The following TWIST2 variants were observed in gnomAD, a reference collection of about 807,000 sequenced individuals.
The protein encoded by TWIST2 is twist family bHLH transcription factor 2.
Under a neutral mutation model 11.6 loss-of-function variants are expected in TWIST2, and 1 was observed. The ratio of observed to expected loss-of-function variants is 0.09; its 90% CI spans 0.03 to 0.41. The LOEUF (loss-of-function observed/expected upper bound fraction) is 0.41, where lower values mean the gene tolerates loss of function less well. TWIST2 is among the 10% of genes least tolerant of loss of function. The pLI is 0.98. For synonymous variants in TWIST2, 87 were observed against 96.6 expected (o/e 0.90, Z 0.58); for missense variants, 168 against 226.4 (o/e 0.74, Z 1.66).
At chr2:238,861,944 C>A (rs530541821) in intron 1 of TWIST2, among the ~76,000 whole-genome samples, 1 of 152,306 alleles carries the variant, frequency 6.6e-6, no homozygotes. Context: ...TCCTTGGGAT[C>A]GAGCATCCGC....
chr2:238,872,604 A>G (rs927889778), intron 1 of TWIST2, among the ~76,000 whole-genome samples: 2 of 152,220 alleles, frequency 1.3e-5, no homozygotes, highest in African/African-American at 2.4e-5. Flanking sequence ...TGAGTCTTCA[A>G]GGTCATTCTG....
In TWIST2 at chr2:238,848,173, G is replaced by A. The variant is rs1417075885; in HGVS notation, c.-43G>A. 2 of 1,206,150 alleles carry A rather than the reference G, an allele frequency of 1.7e-6. No homozygotes were observed. Among genetic ancestry groups the A allele is most frequent in the Non-Finnish European group, 2.1e-6 (2 of 972,236 alleles). The allele number at this position is 1,206,150 out of a possible 1,614,324, so 74.7% of individuals were successfully genotyped here. On this transcript the variant is annotated 5_prime_UTR_variant, in exon 1 of 2. Coordinates refer to ENST00000612363, the MANE Select transcript of TWIST2 (RefSeq NM_001271893.4). ...CGGGCTTGGCCAGCGGCGCGCGCTCGGCGCCCCGGCGCCCCCAGCCCCACG... is the reference window on the plus strand; with the variant it reads ...CGGGCTTGGCCAGCGGCGCGCGCTCAGCGCCCCGGCGCCCCCAGCCCCACG...
chr2:238,905,106 G>A (rs1291190076), intron 1 of TWIST2, among the ~76,000 whole-genome samples: 3 of 152,096 alleles, frequency 2.0e-5, no homozygotes, highest in Non-Finnish European at 4.4e-5. Context: ...AGAGTAAAAC[G>A]CCTTTCCCTT....
intron 1 of TWIST2, among the ~76,000 whole-genome samples, chr2:238,868,194 C>T (rs920861194): frequency 1.3e-4 from 20 of 152,146 alleles, no homozygotes; most frequent in African/African-American, 2.9e-4. Flanking sequence ...GCTTTCTGCA[C>T]GTGGCTCCCA....
In TWIST2 at chr2:238,864,719, C is replaced by T. The variant is rs1692501766; in HGVS notation, c.*35+15986C>T. ...TCTGTGGGGACACTGCCCTGGGGTCCACCCTGCCGCGGGGTCCACTTGGTA... is the reference window on the plus strand; with the variant it reads ...TCTGTGGGGACACTGCCCTGGGGTCTACCCTGCCGCGGGGTCCACTTGGTA... On this transcript the variant is annotated intron_variant, in intron 1 of 1. Transcript: ENST00000612363. This position sits in a 1 kb window ranked among gnomAD's most constrained non-coding sequence, Gnocchi z 4.7. 6.6e-6 allele frequency among the ~76,000 whole-genome samples: 1 copy of T among 152,152 alleles called. No homozygotes were observed. Among genetic ancestry groups the T allele is most frequent in the Admixed American group, 6.5e-5 (1 of 15,282 alleles).
At chr2:238,892,768 G>A (rs1436925153) in intron 1 of TWIST2, among the ~76,000 whole-genome samples, 3 of 152,084 alleles carry the variant, frequency 2.0e-5, no homozygotes. Context: ...GGTGTGAGCC[G>A]CCGCAACCGG....
At chr2:238,865,497 C>T (rs1201436094) in intron 1 of TWIST2, among the ~76,000 whole-genome samples, 1 of 152,176 alleles carries the variant, frequency 6.6e-6, no homozygotes, top group African/African-American at 2.4e-5. Flanking sequence ...TGTCAGGATT[C>T]CCTGCGGGAG....
intron 1 of TWIST2, among the ~76,000 whole-genome samples, chr2:238,908,796 GA>G (rs1693400331): frequency 6.6e-6 from 1 of 150,892 alleles, no homozygotes; most frequent in African/African-American, 2.4e-5. Context: ...TGGACAGTGG[GA>G]TGCGTGTGTA....
intron 1 of TWIST2, among the ~76,000 whole-genome samples, chr2:238,856,417 C>T (rs895768613): frequency 1.3e-5 from 2 of 152,200 alleles, no homozygotes; most frequent in Non-Finnish European, 2.9e-5. Flanking sequence ...TGTTTTACTA[C>T]AGTTCACAAG....
chr2:238,907,817 C>T (rs1470956134), intron 1 of TWIST2, among the ~76,000 whole-genome samples: 1 of 135,582 alleles, frequency 7.4e-6, no homozygotes, highest in African/African-American at 2.8e-5. Context: ...ACGCGCCACA[C>T]AAATATACCA....
In TWIST2 at chr2:238,881,355, ATTAGTG is replaced by A. The variant is rs1007677639; in HGVS notation, c.*36-28475_*36-28470del. Reference sequence around the variant, plus strand: ...TATTAGCATTAGTGTCAGTGTTAGTATTAGTGTTAGTGTTAGTATTTATTAGTATTA... The same window carrying A: ...TATTAGCATTAGTGTCAGTGTTAGTATTAGTGTTAGTATTTATTAGTATTA... On this transcript the variant is annotated intron_variant, in intron 1 of 1. Transcript: ENST00000612363. Among the ~76,000 whole-genome samples, 239 of 150,008 alleles carry A rather than the reference ATTAGTG, an allele frequency of 1.6e-3. 2 individuals carry two copies. In the East Asian group the frequency reaches 0.032, roughly 20 times the overall value.
At chr2:238,884,458 T>G (rs1692995093) in intron 1 of TWIST2, among the ~76,000 whole-genome samples, 1 of 152,214 alleles carries the variant, frequency 6.6e-6, no homozygotes, top group Admixed American at 6.5e-5. Flanking sequence ...GTAGGGCTTC[T>G]TCCCCTCCCC....
chr2:238,853,280 C>A (rs868346394), intron 1 of TWIST2, among the ~76,000 whole-genome samples: 1 of 151,648 alleles, frequency 6.6e-6, no homozygotes, highest in Non-Finnish European at 1.5e-5. Flanking sequence ...AATTCTAAAG[C>A]CAATGATTTA....
At chr2:238,848,788 G>T in intron 1 of TWIST2, 55 bp downstream of exon 1, 9 of 1,291,540 alleles carry the variant, frequency 7.0e-6, no homozygotes, top group Non-Finnish European at 8.8e-6. Context: ...GGCGGCAGGG[G>T]CGCAGGGGCA....
chr2:238,870,782 T>C (rs1187421461), intron 1 of TWIST2, among the ~76,000 whole-genome samples: 16 of 10,936 alleles, frequency 1.5e-3, no homozygotes, highest in Admixed American at 3.6e-3. Flanking sequence ...CAGTACACAC[T>C]ACACACAAAC....
At chr2:238,909,605 C>T (rs1053255548) in intron 1 of TWIST2, among the ~76,000 whole-genome samples, 161 of 152,120 alleles carry the variant, frequency 1.1e-3, no homozygotes, top group Admixed American at 1.5e-3. Context: ...AAAGGGCACT[C>T]GGGGGAGGGA....
At chr2:238,857,610 C>T (rs1278343927) in intron 1 of TWIST2, among the ~76,000 whole-genome samples, 2 of 151,736 alleles carry the variant, frequency 1.3e-5, no homozygotes, top group African/African-American at 4.8e-5. Context: ...CATCCTTCTG[C>T]TTGAATAGCA....
chr2:238,856,749 C>G (rs533661955), intron 1 of TWIST2, among the ~76,000 whole-genome samples: 1 of 152,218 alleles, frequency 6.6e-6, no homozygotes, highest in Non-Finnish European at 1.5e-5. Flanking sequence ...CTCAGTGTCC[C>G]TCAGAGACAT....
At chr2:238,857,972 A>G (rs1334918002) in intron 1 of TWIST2, among the ~76,000 whole-genome samples, 1 of 152,090 alleles carries the variant, frequency 6.6e-6, no homozygotes, top group East Asian at 1.9e-4. Context: ...AACCAACACC[A>G]TTACATTGGG....
Sources: allele counts gnomAD v4.1 joint callset (sites outside exome capture counted in the v4.1 genomes callset), GRCh38; gene constraint gnomAD v4.1.1; non-coding constraint Gnocchi (gnomAD v3.1); transcripts MANE v1.5; gene names NCBI Gene and HGNC (gene_info 2026-07-23, HGNC 2026-07-21).